The following DPP6 variants were observed in gnomAD, a reference collection of about 807,000 sequenced individuals.
DPP6 encodes dipeptidyl peptidase like 6.
DPP6 carries 69 observed loss-of-function variants against 122.6 expected under a neutral mutation model. The ratio of observed to expected loss-of-function variants is 0.56; its 90% CI spans 0.46 to 0.69. DPP6 has a LOEUF of 0.69. Ranked by LOEUF, DPP6 falls within the 30% of genes least tolerant of loss-of-function variation. The pLI, the probability that DPP6 is intolerant of heterozygous loss-of-function variation, is 0.00. For synonymous variants in DPP6, 418 were observed against 433.1 expected (o/e 0.97, Z 0.43); for missense variants, 928 against 1,116.9 (o/e 0.83, Z 2.41).
chr7:154,714,490 A>ACAAT (rs1213606707), intron 7 of DPP6, among the ~76,000 whole-genome samples: 2 of 152,202 alleles, frequency 1.3e-5, no homozygotes, highest in Non-Finnish European at 2.9e-5. Context: ...CAGGAAACTT[A>ACAAT]CAATCATGGT....
chr7:154,005,732 A>G (rs1305766747), intron 1 of DPP6, among the ~76,000 whole-genome samples: 1 of 150,398 alleles, frequency 6.6e-6, no homozygotes, highest in African/African-American at 2.5e-5. Context: ...GTGCTGGAGC[A>G]GGGAGGTGTG....
chr7:153,756,732 T>A, the DPP6 span, among the ~76,000 whole-genome samples: 1 of 151,830 alleles, frequency 6.6e-6, no homozygotes, highest in African/African-American at 2.4e-5. Flanking sequence ...CATCCCCAAG[T>A]ATTTCAGAAA....
At chr7:153,980,735 T>C (rs998710270) in intron 1 of DPP6, among the ~76,000 whole-genome samples, 2 of 152,220 alleles carry the variant, frequency 1.3e-5, no homozygotes, top group Non-Finnish European at 2.9e-5. Context: ...CCAGGGATTC[T>C]GGTACATTGT....
intron 1 of DPP6, among the ~76,000 whole-genome samples, chr7:154,385,875 C>T (rs921400466): frequency 5.3e-5 from 8 of 152,152 alleles, no homozygotes; most frequent in African/African-American, 1.9e-4. Flanking sequence ...CAGCCCCTCA[C>T]AGCCTTTGAA....
the DPP6 span, among the ~76,000 whole-genome samples, chr7:153,787,217 T>C: frequency 7.0e-6 from 1 of 143,842 alleles, no homozygotes; most frequent in South Asian, 2.4e-4. Context: ...CCCAAAGTGC[T>C]GGGATTACAG....
chr7:154,281,258 C>T (rs1353536087), intron 1 of DPP6, among the ~76,000 whole-genome samples: 1 of 152,058 alleles, frequency 6.6e-6, no homozygotes, highest in Non-Finnish European at 1.5e-5. Context: ...AGTGATCCGC[C>T]CGCTTCGACC....
At chr7:154,573,095 G>A (rs117028773) in intron 5 of DPP6, among the ~76,000 whole-genome samples, 1,906 of 152,222 alleles carry the variant, frequency 0.013, 23 homozygotes, top group Non-Finnish European at 0.021. Context: ...CTTCGTCCAG[G>A]AGTGGCTAAG....
intron 7 of DPP6, among the ~76,000 whole-genome samples, chr7:154,682,340 T>A (rs1192255872): frequency 1.3e-5 from 2 of 152,250 alleles, no homozygotes; most frequent in Non-Finnish European, 2.9e-5. Flanking sequence ...GACCTGAACT[T>A]CTTGTCTTTC....
chr7:154,519,329 C>T (rs144631761), intron 3 of DPP6, among the ~76,000 whole-genome samples: 1 of 152,344 alleles, frequency 6.6e-6, no homozygotes, highest in Non-Finnish European at 1.5e-5. Context: ...GCACAGACAG[C>T]CCCCTGGAGC....
chr7:154,060,716 G>GT (rs1282023602), intron 1 of DPP6, among the ~76,000 whole-genome samples: 1 of 126,826 alleles, frequency 7.9e-6, no homozygotes, highest in South Asian at 2.6e-4. Flanking sequence ...CCCCATCGCA[G>GT]GGGGGGAGGC....
At chr7:153,867,308 T>C in the DPP6 span, among the ~76,000 whole-genome samples, 1 of 152,236 alleles carries the variant, frequency 6.6e-6, no homozygotes, top group Non-Finnish European at 1.5e-5. Context: ...CATTTGTTCA[T>C]ATCCTCTTTT....
the DPP6 span, among the ~76,000 whole-genome samples, chr7:153,802,109 C>T: frequency 6.8e-3 from 1,036 of 152,284 alleles, 6 homozygotes; most frequent in Middle Eastern, 0.02. Flanking sequence ...CAGAAAGTTT[C>T]GGTCAGGAGC....
intron 5 of DPP6, among the ~76,000 whole-genome samples, chr7:154,568,873 A>G (rs1428774110): frequency 2.0e-5 from 3 of 152,292 alleles, no homozygotes; most frequent in Middle Eastern, 3.4e-3. Flanking sequence ...ATAGAAACAG[A>G]TATTTTAAGT....
At chr7:154,823,790 C>T (rs1799954005) in intron 16 of DPP6, among the ~76,000 whole-genome samples, 1 of 152,212 alleles carries the variant, frequency 6.6e-6, no homozygotes. Flanking sequence ...TTGTTCTTCT[C>T]TGATACTGAC....
intron 16 of DPP6, among the ~76,000 whole-genome samples, chr7:154,850,412 G>T (rs1802275275): frequency 6.6e-6 from 1 of 152,028 alleles, no homozygotes; most frequent in South Asian, 2.1e-4. Context: ...TTTGGCGGGG[G>T]TGGGGGAGTT....
chr7:153,957,407 G>A (rs575381762), intron 1 of DPP6, among the ~76,000 whole-genome samples: 37 of 152,312 alleles, frequency 2.4e-4, no homozygotes, highest in Admixed American at 2.2e-3. Context: ...GCTTGGGGAT[G>A]GTGAAATGAG....
the DPP6 span, among the ~76,000 whole-genome samples, chr7:153,802,480 TAAAAA>T: frequency 1.3e-5 from 2 of 151,918 alleles, no homozygotes; most frequent in African/African-American, 4.8e-5. Flanking sequence ...TGAGAGATGA[TAAAAA>T]AGAAGAAACA....
At chr7:154,157,124 A>G (rs1796722979) in intron 1 of DPP6, among the ~76,000 whole-genome samples, 1 of 152,268 alleles carries the variant, frequency 6.6e-6, no homozygotes, top group Admixed American at 6.5e-5. Context: ...TATTCTGAAC[A>G]TTTCTACTTG....
intron 1 of DPP6, among the ~76,000 whole-genome samples, chr7:154,086,615 T>C (rs1300352362): frequency 6.9e-6 from 1 of 143,986 alleles, no homozygotes; most frequent in Non-Finnish European, 1.5e-5. Flanking sequence ...ACCACAGAGC[T>C]TACTCTTTTT....
Sources: allele counts gnomAD v4.1 joint callset (sites outside exome capture counted in the v4.1 genomes callset), GRCh38; gene constraint gnomAD v4.1.1; transcripts MANE v1.5; gene names NCBI Gene and HGNC (gene_info 2026-07-23, HGNC 2026-07-21).